LIPA: variants seen among roughly 807,000 people sequenced by gnomAD.
LIPA encodes the protein lipase A, lysosomal acid type, also known as lysosomal acid lipase/cholesteryl ester hydrolase.
Under a neutral mutation model 40.6 loss-of-function variants are expected in LIPA, and 26 were observed. That is an observed-to-expected ratio of 0.64 (90% CI 0.47 to 0.89). The LOEUF (loss-of-function observed/expected upper bound fraction) is 0.89. Ranked by LOEUF, LIPA falls within the 40% of genes least tolerant of loss-of-function variation. The probability of loss-of-function intolerance (pLI) is 0.00; values close to 1 mark genes in which losing one functional copy is unlikely to be tolerated. For synonymous variants in LIPA, 188 were observed against 168.4 expected (o/e 1.12, Z -0.90); for missense variants, 455 against 479.6 (o/e 0.95, Z 0.48).
intron 1 of LIPA, chr10:89,327,759 T>TC (rs1843613386): frequency 5.3e-6 from 2 of 377,934 alleles, no homozygotes; most frequent in Non-Finnish European, 9.7e-6. Flanking sequence ...TAGGAATGCT[T>TC]CCACATTCTC....
At chr10:89,353,013 A>G (rs1241087212) in intron 2 of LIPA, among the ~76,000 whole-genome samples, 1 of 152,116 alleles carries the variant, frequency 6.6e-6, no homozygotes, top group East Asian at 1.9e-4. Flanking sequence ...CGTTCATGTA[A>G]AACTGCCGAT....
At chr10:89,332,713 A>G in intron 1 of LIPA, 1 of 1,308,976 alleles carries the variant, frequency 7.6e-7, no homozygotes, top group Non-Finnish European at 1.1e-6. Flanking sequence ...TTGCTTAGAG[A>G]TGAAATATGC....
intron 1 of LIPA, among the ~76,000 whole-genome samples, chr10:89,248,442 A>ATTTATT (rs1459065726): frequency 7.3e-6 from 1 of 136,414 alleles, no homozygotes; most frequent in Non-Finnish European, 1.6e-5. Flanking sequence ...TTATTATTTT[A>ATTTATT]TATTTATTTA....
intron 4 of LIPA, 125 bp from the exon 5 acceptor site, chr10:89,227,129 A>G: frequency 1.4e-6 from 1 of 718,316 alleles, no homozygotes; most frequent in South Asian, 1.5e-5. Context: ...CAGTGAGTCC[A>G]GGAAACAACA....
At chr10:89,340,177 C>T (rs546286810) in intron 1 of LIPA, 68 of 1,518,784 alleles carry the variant, frequency 4.5e-5, no homozygotes, top group Middle Eastern at 2.3e-4. Flanking sequence ...GTGGTTGTGA[C>T]GGGTAGGACG....
At chr10:89,359,230 G>C (rs1844005703) in intron 2 of LIPA, among the ~76,000 whole-genome samples, 1 of 152,094 alleles carries the variant, frequency 6.6e-6, no homozygotes, top group Non-Finnish European at 1.5e-5. Context: ...ATTTTAGAGA[G>C]GGAGGACACA....
exon 2 of LIPA, chr10:89,412,871 C>A: frequency 3.3e-6 from 1 of 303,462 alleles, no homozygotes; most frequent in Non-Finnish European, 6.6e-6. Context: ...CTGTAGCACT[C>A]ACAGCGAGAG....
In LIPA at chr10:89,332,583, C is replaced by T. The variant is rs767279566; in HGVS notation, c.-2+10028G>A. The T allele has an allele frequency of 2.5e-5, 40 of 1,613,990 alleles. 1 individual carries two copies. The East Asian group carries it at 6.5e-4, about 26-fold the overall frequency. ...TCAGTAAGCTAAAAACAAAATCAAC[C>T]GGGACCCCAGCTTTTCAGAACTGCA... is the stretch of plus-strand genomic sequence containing the variant. On this transcript the variant is annotated intron_variant, in intron 1 of 5. Transcript: ENST00000282673.
chr10:89,355,067 G>A (rs1843982153), intron 2 of LIPA, among the ~76,000 whole-genome samples: 2 of 152,170 alleles, frequency 1.3e-5, no homozygotes, highest in South Asian at 2.1e-4. Flanking sequence ...GAAAAGATGT[G>A]TCAAAAGGCC....
chr10:89,281,270 C>A (rs925665952), intron 1 of LIPA, among the ~76,000 whole-genome samples: 17 of 152,126 alleles, frequency 1.1e-4, no homozygotes, highest in African/African-American at 3.1e-4. Context: ...AATGCCCCCC[C>A]ACCCTGATAT....
At chr10:89,312,106 G>A (rs1281345510) in intron 1 of LIPA, among the ~76,000 whole-genome samples, 1 of 152,092 alleles carries the variant, frequency 6.6e-6, no homozygotes, top group Non-Finnish European at 1.5e-5. Flanking sequence ...TGTGCATGAA[G>A]TGGAAAACAT....
At chr10:89,384,405 G>C (rs1356087646) in intron 2 of LIPA, 1 of 1,614,182 alleles carries the variant, frequency 6.2e-7, no homozygotes, top group Non-Finnish European at 8.5e-7. Flanking sequence ...AACATTTTCA[G>C]AAAGGGTTAC....
At chr10:89,403,680 G>C (rs1261727861) in intron 2 of LIPA, 2 of 1,601,604 alleles carry the variant, frequency 1.2e-6, no homozygotes. Flanking sequence ...ACTGGCTGCT[G>C]ACTTTGAGAA....
At chr10:89,393,301 G>A (rs1844285388) in intron 2 of LIPA, 7 of 1,288,656 alleles carry the variant, frequency 5.4e-6, no homozygotes, top group African/African-American at 1.5e-5. Flanking sequence ...CTGAGCTTAA[G>A]ATAAACAGAT....
intron 3 of LIPA, among the ~76,000 whole-genome samples, chr10:89,243,170 C>T (rs1412444): frequency 0.37 from 56,352 of 151,990 alleles, 10,734 homozygotes; most frequent in South Asian, 0.53. Context: ...CTTTAAACAC[C>T]GGAAATAACA....
At chr10:89,284,579 T>C (rs1363496371) in intron 1 of LIPA, 2 of 152,186 alleles carry the variant, frequency 1.3e-5, no homozygotes, top group African/African-American at 4.8e-5. Flanking sequence ...TCTCAGGATA[T>C]GAATACTATA....
At chr10:89,380,016 C>T (rs1190082560) in intron 2 of LIPA, among the ~76,000 whole-genome samples, 1 of 146,656 alleles carries the variant, frequency 6.8e-6, no homozygotes, top group Non-Finnish European at 1.5e-5. Flanking sequence ...GCCTGGGCAA[C>T]AGAGTGAGAC....
chr10:89,280,332 T>C (rs1032033751), intron 1 of LIPA, among the ~76,000 whole-genome samples: 8 of 152,176 alleles, frequency 5.3e-5, no homozygotes, highest in Non-Finnish European at 8.8e-5. Context: ...TCTCCCTCCA[T>C]AGTCAGGTAA....
At chr10:89,267,636 G>A (rs908895006) in intron 1 of LIPA, among the ~76,000 whole-genome samples, 1 of 147,224 alleles carries the variant, frequency 6.8e-6, no homozygotes, top group African/African-American at 2.5e-5. Context: ...GCTAGATGAC[G>A]AGTTAGTGGG....
Sources: allele counts gnomAD v4.1 joint callset (sites outside exome capture counted in the v4.1 genomes callset), GRCh38; gene constraint gnomAD v4.1.1; transcripts MANE v1.5; gene names NCBI Gene and HGNC (gene_info 2026-07-23, HGNC 2026-07-21).